The following CARS2 variants were observed in gnomAD, a reference collection of about 807,000 sequenced individuals.
CARS2 encodes the protein cysteinyl-tRNA synthetase 2, mitochondrial, also known as probable cysteine--tRNA ligase, mitochondrial.
Under a neutral mutation model 68.8 loss-of-function variants are expected in CARS2, and 52 were observed. The ratio of observed to expected loss-of-function variants is 0.76; its 90% CI spans 0.61 to 0.95. The LOEUF is 0.95. Ranked by LOEUF, CARS2 falls within the 40% of genes least tolerant of loss-of-function variation. The pLI is 0.00. For missense variants in CARS2, 780 were observed against 754.2 expected, an observed-to-expected ratio of 1.03 and a Z score of -0.40; for synonymous variants, 314 against 303.6, an observed-to-expected ratio of 1.03 and a Z score of -0.36.
chr13:110,657,518 G>T (rs1464411607), intron 9 of CARS2, among the ~76,000 whole-genome samples: 1 of 152,190 alleles, frequency 6.6e-6, no homozygotes, highest in Non-Finnish European at 1.5e-5. Context: ...CTAAATCCGG[G>T]ATGATTTCAA....
At position 110,642,464 on chromosome 13, in the gene CARS2, G is replaced by A. The variant is rs200151026; in HGVS notation, c.1474C>T (p.Arg492Trp). Residue 492 changes from arginine (R) to tryptophan (W), a missense_variant, in exon 14 of 15, where the codon CGG (arginine) becomes TGG (tryptophan). Transcript: ENST00000257347. ...AACTGCCGGACCTTCTGCCGGAACC[G>A]CACCAGCTCGTCCACCACACCATGC... ...TLHGVVDELV[R>W]FRQKVRQFAL... The A allele has an allele frequency of 2.9e-5, 46 of 1,609,264 alleles. No homozygotes were observed. In the African/African-American group the frequency reaches 3.2e-4, roughly 11 times the overall value.
At chr13:110,704,909 CTTACAG>C (rs2063896797) in intron 2 of CARS2, among the ~76,000 whole-genome samples, 1 of 152,100 alleles carries the variant, frequency 6.6e-6, no homozygotes, top group African/African-American at 2.4e-5. Context: ...GGCAGTACAT[CTTACAG>C]TTAAAGAGGT....
At position 110,663,835 on chromosome 13, in the gene CARS2, C is replaced by T. The variant is rs1313860399; in HGVS notation, c.920-317G>A. 74 of 1,121,446 alleles carry T rather than the reference C, an allele frequency of 6.6e-5. 1 individual carries two copies. In the East Asian group the frequency reaches 3.6e-3, roughly 54 times the overall value. The allele number at this position is 1,121,446 out of a possible 1,614,324, so 69.5% of individuals were successfully genotyped here. On this transcript the variant is annotated intron_variant, in intron 8 of 14. Coordinates refer to ENST00000257347, the MANE Select transcript of CARS2 (RefSeq NM_024537.4). The stretch of plus-strand genomic sequence containing the variant: ...AGCAGTATTTCATCTATTTTCTCCT[C>T]TCCTGTAATTCAGAGATACTGAATT...
In CARS2 at chr13:110,713,021, G is replaced by A. The variant is rs781096664; in HGVS notation, n.399+116C>T. ...CTGCGGCCGCAGCTCAAAGGACACCGAGAGGGTGCCAGTGCGCATGCGCCG... is the reference window on the plus strand; with the variant it reads ...CTGCGGCCGCAGCTCAAAGGACACCAAGAGGGTGCCAGTGCGCATGCGCCG... On this transcript the variant is annotated intron_variant and non_coding_transcript_variant, in intron 1 of 2. Coordinates refer to the CARS2 transcript ENST00000485188. The A allele has an allele frequency of 9.1e-5, 138 of 1,513,168 alleles. 1 individual carries two copies. In the Middle Eastern group the frequency reaches 3.6e-3, roughly 40 times the overall value. 93.7% of individuals were successfully genotyped at this position (1,513,168 alleles called of 1,614,324 possible).
chr13:110,642,393 C>A lies in CARS2; in HGVS notation c.1545G>T (p.Gln515His). 6.4e-7 allele frequency: 1 copy of A among 1,571,222 alleles called. No homozygotes were observed. Among genetic ancestry groups the A allele is most frequent in the Non-Finnish European group, 8.6e-7 (1 of 1,157,898 alleles). The change falls in exon 14 of 15, where the codon CAG becomes CAT. Residue 515 changes from glutamine (Q) to histidine (H), a missense_variant. Transcript: ENST00000257347. ...CCAGCAGGGGCTGCCTTTCTAGGAG[C>A]TGCTGCCGCCGGGCGTCCCCCGTGG... ...PEATGDARRQ[Q>H]LLERQPLLEA... is the part of the protein sequence containing the mutation.
intron 3 of CARS2, among the ~76,000 whole-genome samples, chr13:110,688,501 C>T (rs554671614): frequency 6.6e-6 from 1 of 152,266 alleles, no homozygotes; most frequent in African/African-American, 2.4e-5. Context: ...TACCAAGGAT[C>T]CTCCACTTTT....
At chr13:110,708,258 G>A (rs570924116), upstream of CARS2, among the ~76,000 whole-genome samples, 39 of 152,230 alleles carry the variant, frequency 2.6e-4, no homozygotes, top group Non-Finnish European at 4.6e-4. Flanking sequence ...AATTGTGCAG[G>A]TGGGAAGAAA....
Position 110,667,323 on chromosome 13 carries a change from C to T in CARS2, c.919+17G>A. ...TAGAATTGAAACAGAACAAATTAAT[C>T]TGAAGTTATTACTTACCAGAATGCA... is the stretch of plus-strand genomic sequence containing the variant. On this transcript the variant is annotated intron_variant, in intron 8 of 14. Coordinates refer to ENST00000257347, the MANE Select transcript of CARS2 (RefSeq NM_024537.4). 1 of 1,599,906 alleles carries T rather than the reference C, an allele frequency of 6.3e-7. No homozygotes were observed. Among genetic ancestry groups the T allele is most frequent in the Non-Finnish European group, 8.5e-7 (1 of 1,172,794 alleles).
intron 2 of CARS2, among the ~76,000 whole-genome samples, chr13:110,704,727 G>A (rs1204128996): frequency 1.3e-5 from 2 of 151,630 alleles, no homozygotes; most frequent in Admixed American, 6.6e-5. Flanking sequence ...GCGACAGAGC[G>A]ACTCCGTCTC....
chr13:110,682,675 C>A (rs2063189871), intron 6 of CARS2, among the ~76,000 whole-genome samples: 1 of 152,134 alleles, frequency 6.6e-6, no homozygotes, highest in Non-Finnish European at 1.5e-5. Flanking sequence ...AAGTTTAACA[C>A]ATAGTAAGAC....
chr13:110,674,663 C>T (rs1185725913), intron 7 of CARS2, among the ~76,000 whole-genome samples: 1 of 152,158 alleles, frequency 6.6e-6, no homozygotes, highest in Non-Finnish European at 1.5e-5. Context: ...GACTTCATGA[C>T]TAAAACACCA....
chr13:110,702,411 C>A (rs1340600286), intron 2 of CARS2, among the ~76,000 whole-genome samples: 1 of 152,226 alleles, frequency 6.6e-6, no homozygotes, highest in East Asian at 1.9e-4. Flanking sequence ...CAAAATCCCA[C>A]CACCTAACAG....
At chr13:110,713,271 C>T (rs2139962103) in exon 1 of CARS2, 6 of 1,311,970 alleles carry the variant, frequency 4.6e-6, no homozygotes, top group Non-Finnish European at 5.8e-6. Flanking sequence ...GAGTCAGGGG[C>T]TGAGGAGCGA....
At chr13:110,706,286 G>C (rs901133561), upstream of CARS2, 1 of 350,282 alleles carries the variant, frequency 2.9e-6, no homozygotes, top group African/African-American at 2.2e-5. Context: ...GGAGAACCAG[G>C]GCCCGAAGAG....
chr13:110,653,974 T>C lies in CARS2; in HGVS notation c.988-2874A>G, dbSNP rs59249848. 0.016 allele frequency among the ~76,000 whole-genome samples: 2,486 copies of C among 152,268 alleles called. 68 individuals are homozygous for C. The highest frequency in any genetic ancestry group is 0.057 in the African/African-American group (2,375 of 41,540). The stretch of plus-strand genomic sequence containing the variant: ...GAGAGGCAAAATGTGGCGACGGCAG[T>C]GTAAGCTCGTGCTGGAACTCTCCAG... On this transcript the variant is annotated intron_variant, in intron 9 of 14. Transcript: ENST00000257347. The surrounding 1 kb of genome is among the most constrained non-coding windows in gnomAD (Gnocchi z 5.6).
intron 7 of CARS2, among the ~76,000 whole-genome samples, chr13:110,674,851 CA>C (rs1027216940): frequency 1.3e-5 from 2 of 152,138 alleles, no homozygotes; most frequent in Non-Finnish European, 2.9e-5. Context: ...AGAACTTAAA[CA>C]AATTTACAAG....
chr13:110,679,866 C>T (rs958759356), intron 6 of CARS2, among the ~76,000 whole-genome samples: 6 of 152,022 alleles, frequency 3.9e-5, no homozygotes, highest in Admixed American at 2.0e-4. Flanking sequence ...GGGGGCACGC[C>T]GAGGCTCAAT....
upstream of CARS2, among the ~76,000 whole-genome samples, chr13:110,710,089 T>C (rs949437865): frequency 2.0e-5 from 3 of 152,154 alleles, no homozygotes; most frequent in Non-Finnish European, 4.4e-5. Context: ...ACTTAAACAA[T>C]TCTATGCTTG....
chr13:110,672,305 A>G (rs1220084856), intron 7 of CARS2, among the ~76,000 whole-genome samples: 4 of 152,236 alleles, frequency 2.6e-5, no homozygotes, highest in African/African-American at 9.6e-5. Context: ...AATGGACCAC[A>G]TATTTGGAAG....
Sources: gnomAD v4.1 joint callset for allele counts (sites outside exome capture counted in the v4.1 genomes callset) on GRCh38, gnomAD v4.1.1 for gene constraint, Gnocchi (gnomAD v3.1) non-coding constraint, MANE v1.5 for transcripts, NCBI Gene and HGNC (gene_info 2026-07-23, HGNC 2026-07-21) for gene names.